The following TTLL11 variants were observed in gnomAD, a reference collection of about 807,000 sequenced individuals.
TTLL11 encodes tubulin polyglutamylase TTLL11.
In TTLL11, 42 loss-of-function variants were observed where a neutral mutation model predicts 51.7. That is an observed-to-expected ratio of 0.81 (90% CI 0.64 to 1.05). The LOEUF is 1.05. Among genes scored for constraint, TTLL11 ranks in the 50% least tolerant of loss-of-function variants. The pLI, the probability that TTLL11 is intolerant of heterozygous loss-of-function variation, is 0.00. For missense variants in TTLL11, 799 were observed against 940.4 expected (o/e 0.85, Z 1.97); for synonymous variants, 381 against 383.5 (o/e 0.99, Z 0.08).
chr9:121,932,558 G>T (rs1199419378), intron 6 of TTLL11, among the ~76,000 whole-genome samples: 2 of 152,200 alleles, frequency 1.3e-5, no homozygotes, highest in South Asian at 2.1e-4. Context: ...GCCAGTGGAA[G>T]CGCCATTCCC....
intron 1 of TTLL11, among the ~76,000 whole-genome samples, chr9:122,055,070 A>AG (rs1845254948): frequency 2.6e-5 from 4 of 152,154 alleles, no homozygotes; most frequent in African/African-American, 9.7e-5. Flanking sequence ...TAAGCAAGTC[A>AG]TGCCTCTGAG....
intron 8 of TTLL11, among the ~76,000 whole-genome samples, chr9:121,834,979 C>A (rs114149795): frequency 0.013 from 2,007 of 152,234 alleles, 53 homozygotes; most frequent in African/African-American, 0.046. Flanking sequence ...CCCTGCTGGA[C>A]TGAGTTTCAT....
At chr9:122,038,726 A>C (rs895342818) in intron 2 of TTLL11, among the ~76,000 whole-genome samples, 2 of 152,180 alleles carry the variant, frequency 1.3e-5, no homozygotes, top group African/African-American at 4.8e-5. Context: ...GGGATATCTT[A>C]GTGCTGGCTA....
At chr9:121,881,357 C>A (rs1164798656) in intron 6 of TTLL11, among the ~76,000 whole-genome samples, 1 of 152,202 alleles carries the variant, frequency 6.6e-6, no homozygotes, top group Non-Finnish European at 1.5e-5. Flanking sequence ...CAGTCAATTT[C>A]ATCTAAACCC....
At position 121,853,720 on chromosome 9, in the gene TTLL11, C is replaced by T. The variant is rs1244819992; in HGVS notation, c.1840+6617G>A. On this transcript the variant is annotated intron_variant, in intron 8 of 8. Transcript: ENST00000321582. This position sits in a 1 kb window ranked among gnomAD's most constrained non-coding sequence, Gnocchi z 5.6. ...GCTGCCAGCACCACATTTCCTCTGT[C>T]TTCCCCAGCCTCACTGTCCCCACTG... 3.3e-5 allele frequency among the ~76,000 whole-genome samples: 5 copies of T among 152,218 alleles called. No individual in the cohort carries two copies. In the East Asian group the frequency reaches 9.6e-4, roughly 29 times the overall value.
intron 6 of TTLL11, among the ~76,000 whole-genome samples, chr9:121,920,188 A>C (rs1156850994): frequency 1.3e-5 from 2 of 152,206 alleles, no homozygotes; most frequent in African/African-American, 2.4e-5. Context: ...CTATAGTCCC[A>C]GCTACTCAGG....
intron 3 of TTLL11, among the ~76,000 whole-genome samples, chr9:122,025,357 G>A (rs944809631): frequency 6.6e-6 from 1 of 152,204 alleles, no homozygotes; most frequent in African/African-American, 2.4e-5. Flanking sequence ...TGACAGACAG[G>A]AGCAGTGGCT....
intron 3 of TTLL11, among the ~76,000 whole-genome samples, chr9:122,004,434 A>G (rs978310315): frequency 4.6e-5 from 7 of 151,544 alleles, no homozygotes; most frequent in South Asian, 2.1e-4. Flanking sequence ...ACTGCAACCT[A>G]CACCTCCCAG....
chr9:121,826,479 A>C (rs866131666), intron 8 of TTLL11, among the ~76,000 whole-genome samples: 1 of 52,600 alleles, frequency 1.9e-5, no homozygotes, highest in Non-Finnish European at 4.1e-5. Context: ...ATATATATAT[A>C]TGTATATATA....
chr9:121,917,856 T>A (rs1248304656), intron 6 of TTLL11, among the ~76,000 whole-genome samples: 1 of 152,174 alleles, frequency 6.6e-6, no homozygotes, highest in African/African-American at 2.4e-5. Context: ...GTTAAGCCCA[T>A]ATAATGAAAT....
In TTLL11 at chr9:122,021,171, T is replaced by C. The variant is rs570766895; in HGVS notation, c.693+10552A>G. Among the ~76,000 whole-genome samples the C allele has an allele frequency of 5.3e-4, 80 of 152,234 alleles. No homozygotes were observed. In the Middle Eastern group the frequency reaches 0.01, roughly 19 times the overall value. On this transcript the variant is annotated intron_variant, in intron 3 of 8. Coordinates refer to ENST00000321582, the MANE Select transcript of TTLL11 (RefSeq NM_001139442.2). ...ACAAAGGACAGTGATTCCTGAGAGATAGGAATTGAACGATGTGAACCCTAG... is the reference window on the plus strand; with the variant it reads ...ACAAAGGACAGTGATTCCTGAGAGACAGGAATTGAACGATGTGAACCCTAG...
intron 6 of TTLL11, among the ~76,000 whole-genome samples, chr9:121,946,536 A>T (rs1310601145): frequency 6.6e-6 from 1 of 152,128 alleles, no homozygotes; most frequent in African/African-American, 2.4e-5. Flanking sequence ...AAGACGAAAA[A>T]GTTCTTGTGC....
intron 8 of TTLL11, among the ~76,000 whole-genome samples, chr9:121,824,478 C>CAAAAAAA (rs35905457): frequency 9.1e-6 from 1 of 110,414 alleles, no homozygotes; most frequent in Admixed American, 1.0e-4. Context: ...GACTCCATCT[C>CAAAAAAA]AAAAAAAAAA....
At chr9:121,826,333 T>A (rs1836770166) in intron 8 of TTLL11, among the ~76,000 whole-genome samples, 1 of 71,158 alleles carries the variant, frequency 1.4e-5, no homozygotes, top group Admixed American at 1.4e-4. Flanking sequence ...TATATGGGTT[T>A]ATATATATGG....
At chr9:121,905,519 T>C (rs1229086851) in intron 6 of TTLL11, among the ~76,000 whole-genome samples, 1 of 152,024 alleles carries the variant, frequency 6.6e-6, no homozygotes, top group African/African-American at 2.4e-5. Flanking sequence ...GCCTGGCTAA[T>C]TTTTTGTATT....
In TTLL11 at chr9:122,031,756, A is replaced by C; in HGVS notation, c.660T>G (p.Ile220Met). 1 of 1,613,234 alleles carries C rather than the reference A, an allele frequency of 6.2e-7. No individual in the cohort carries two copies. Among genetic ancestry groups the C allele is most frequent in the African/African-American group, 1.3e-5 (1 of 75,014 alleles). The change falls in exon 3 of 9, where the codon ATT becomes ATG. Residue 220 changes from isoleucine to methionine, a missense_variant. This residue lies in a region of TTLL11 where 468 missense variants were observed against 612.8 expected (regional missense o/e 0.76). Transcript: ENST00000321582. ...EEYNFYPRSW[I>M]LPDEFQLFVA... The stretch of plus-strand genomic sequence containing the variant: ...CAAAGAGCTGGAACTCGTCAGGCAG[A>C]ATCCATGAGCGAGGGTAGAAGTTGT...
intron 1 of TTLL11, among the ~76,000 whole-genome samples, chr9:122,085,031 G>A (rs1806694): frequency 1.3e-5 from 2 of 152,090 alleles, no homozygotes; most frequent in Non-Finnish European, 2.9e-5. Flanking sequence ...AGGCTGAGGC[G>A]GGCAGATCAT....
intron 6 of TTLL11, among the ~76,000 whole-genome samples, chr9:121,918,543 T>C (rs532690968): frequency 4.6e-5 from 7 of 152,200 alleles, no homozygotes; most frequent in South Asian, 2.1e-4. Flanking sequence ...GGAGTTCAGA[T>C]TGGGGAGGGA....
At chr9:121,922,903 TA>T (rs1267171995) in intron 6 of TTLL11, among the ~76,000 whole-genome samples, 1 of 152,282 alleles carries the variant, frequency 6.6e-6, no homozygotes, top group African/African-American at 2.4e-5. Flanking sequence ...CAAACAGTTA[TA>T]TGGAAACACG....
Sources: allele counts gnomAD v4.1 joint callset (sites outside exome capture counted in the v4.1 genomes callset), GRCh38; gene constraint gnomAD v4.1.1; regional missense constraint gnomAD v4.1.1; non-coding constraint Gnocchi (gnomAD v3.1); transcripts MANE v1.5; gene names NCBI Gene and HGNC (gene_info 2026-07-23, HGNC 2026-07-21).